CACNA1D: variants seen among roughly 807,000 people sequenced by gnomAD.
CACNA1D encodes the protein voltage-dependent L-type calcium channel subunit alpha-1D.
A neutral mutation model predicts 257.1 loss-of-function variants in CACNA1D; 55 were observed. The observed-to-expected ratio is 0.21, with a 90% confidence interval of 0.17 to 0.27. The LOEUF is 0.27. CACNA1D is among the 10% of genes least tolerant of loss of function. CACNA1D has a pLI of 1.00. For missense variants in CACNA1D, 1,876 were observed against 2,784.0 expected, an observed-to-expected ratio of 0.67 and a Z score of 7.34; for synonymous variants, 980 against 1,014.9, an observed-to-expected ratio of 0.97 and a Z score of 0.65.
chr3:53,535,239 C>T (rs972649841), intron 3 of CACNA1D, among the ~76,000 whole-genome samples: 9 of 152,132 alleles, frequency 5.9e-5, no homozygotes, highest in Admixed American at 2.6e-4. Flanking sequence ...CTGAGTGCAT[C>T]GGTGACGTAA....
At chr3:53,631,504 G>A (rs1255809311) in intron 3 of CACNA1D, among the ~76,000 whole-genome samples, 1 of 152,174 alleles carries the variant, frequency 6.6e-6, no homozygotes, top group East Asian at 1.9e-4. Context: ...ACCCCTCAAA[G>A]TCATCCATGA....
intron 8 of CACNA1D, among the ~76,000 whole-genome samples, chr3:53,692,139 C>T (rs979007919): frequency 7.3e-5 from 11 of 150,948 alleles, no homozygotes; most frequent in African/African-American, 2.4e-4. Context: ...TATCGAGCAA[C>T]TACTAATGGC....
intron 3 of CACNA1D, among the ~76,000 whole-genome samples, chr3:53,505,917 T>C (rs1473035746): frequency 6.6e-6 from 1 of 152,198 alleles, no homozygotes; most frequent in Non-Finnish European, 1.5e-5. Flanking sequence ...CTACTTTGAT[T>C]GCTTTCTTTC....
At chr3:53,598,121 T>C (rs1233535638) in intron 3 of CACNA1D, among the ~76,000 whole-genome samples, 1 of 152,172 alleles carries the variant, frequency 6.6e-6, no homozygotes, top group Non-Finnish European at 1.5e-5. Flanking sequence ...TCAGTCAGAT[T>C]CTGATTTGAA....
chr3:53,776,069 C>G, intron 35 of CACNA1D, 24 bp downstream of exon 35: 1 of 1,606,682 alleles, frequency 6.2e-7, no homozygotes, highest in Non-Finnish European at 8.5e-7. Flanking sequence ...ACAGCTCCCC[C>G]TCTCAATTTA....
At chr3:53,733,534 T>C (rs2095020970) in intron 19 of CACNA1D, among the ~76,000 whole-genome samples, 1 of 152,216 alleles carries the variant, frequency 6.6e-6, no homozygotes, top group Non-Finnish European at 1.5e-5. Context: ...TCTATGATAG[T>C]CTACTTAAAA....
At chr3:53,787,161 G>A (rs2095458330) in intron 40 of CACNA1D, among the ~76,000 whole-genome samples, 1 of 151,952 alleles carries the variant, frequency 6.6e-6, no homozygotes, top group South Asian at 2.1e-4. Context: ...ATAGAGCCCT[G>A]CACCTGCCAC....
Position 53,774,574 on chromosome 3 carries a change from C to T in CACNA1D, c.4111-13C>T, listed in dbSNP as rs777627476. On this transcript the variant is annotated splice_polypyrimidine_tract_variant and intron_variant, in intron 33 of 47. Transcript: ENST00000350061. This position sits in a 1 kb window ranked among gnomAD's most constrained non-coding sequence, Gnocchi z 4.3. ...AAATCTATTCTCTTTTTCCTGACAA[C>T]TTCTCCACCTAGATGTTTGGGAAAG... 6.6e-7 allele frequency: 1 copy of T among 1,504,956 alleles called. No individual in the cohort carries two copies. The highest frequency in any genetic ancestry group is 9.3e-7 in the Non-Finnish European group (1 of 1,080,314). 93.2% of individuals were successfully genotyped at this position (1,504,956 alleles called of 1,614,324 possible).
chr3:53,527,433 T>A (rs561779645), intron 3 of CACNA1D, among the ~76,000 whole-genome samples: 353 of 152,386 alleles, frequency 2.3e-3, no homozygotes, highest in Non-Finnish European at 3.8e-3. Context: ...GATTGTATTC[T>A]CAAACCTTTC....
chr3:53,571,786 G>A (rs944394933), intron 3 of CACNA1D, among the ~76,000 whole-genome samples: 1 of 152,116 alleles, frequency 6.6e-6, no homozygotes, highest in Non-Finnish European at 1.5e-5. Context: ...TTATTGCAAA[G>A]GCCTAGTTAC....
chr3:53,556,773 C>T (rs2092652746), intron 3 of CACNA1D, among the ~76,000 whole-genome samples: 10 of 151,074 alleles, frequency 6.6e-5, no homozygotes, highest in African/African-American at 1.9e-4. Flanking sequence ...TGGAGTGCAG[C>T]GATGTGATCT....
intron 8 of CACNA1D, among the ~76,000 whole-genome samples, chr3:53,675,087 G>A (rs1380278427): frequency 6.6e-6 from 1 of 152,200 alleles, no homozygotes; most frequent in Non-Finnish European, 1.5e-5. Flanking sequence ...TGGATTGAAT[G>A]TAGTCAGTTC....
At chr3:53,642,756 C>A (rs568832915) in intron 3 of CACNA1D, among the ~76,000 whole-genome samples, 81 of 152,360 alleles carry the variant, frequency 5.3e-4, no homozygotes, top group African/African-American at 1.9e-3. Flanking sequence ...TAGACAGCAT[C>A]TTGGGCCAGG....
At chr3:53,554,603 C>T (rs886790945) in intron 3 of CACNA1D, among the ~76,000 whole-genome samples, 6 of 152,150 alleles carry the variant, frequency 3.9e-5, no homozygotes, top group Non-Finnish European at 5.9e-5. Flanking sequence ...AAATACATTC[C>T]GCTTCTCTCT....
intron 34 of CACNA1D, among the ~76,000 whole-genome samples, chr3:53,775,492 G>A (rs775856839): frequency 1.3e-5 from 2 of 152,140 alleles, no homozygotes; most frequent in Admixed American, 1.3e-4. Flanking sequence ...CCAGGAGGTC[G>A]AGGCTGCAGT....
At position 53,786,838 on chromosome 3, in the gene CACNA1D, G is replaced by C; in HGVS notation, c.4809G>C (p.Val1603=). Residue 1603 remains valine (V), a synonymous_variant, in exon 40 of 48, where the codon GTG becomes GTC. Transcript: ENST00000350061. ...VPPAGDDEVT[V]GKFYATFLIQ... Reference sequence around the variant, plus strand: ...TCCGTTTAGATGATGAGGTAACCGTGGGGAAGTTCTATGCCACTTTCCTGA... The same window carrying C: ...TCCGTTTAGATGATGAGGTAACCGTCGGGAAGTTCTATGCCACTTTCCTGA... 1 of 1,613,376 alleles carries C rather than the reference G, an allele frequency of 6.2e-7. No homozygotes were observed. The highest frequency in any genetic ancestry group is 8.5e-7 in the Non-Finnish European group (1 of 1,179,590).
intron 40 of CACNA1D, among the ~76,000 whole-genome samples, chr3:53,787,650 C>T (rs547924495): frequency 2.6e-5 from 4 of 152,030 alleles, no homozygotes; most frequent in South Asian, 2.1e-4. Flanking sequence ...TCCTTGCATG[C>T]GAGGAATGTA....
intron 3 of CACNA1D, among the ~76,000 whole-genome samples, chr3:53,555,070 A>G (rs971087079): frequency 3.9e-5 from 6 of 152,238 alleles, no homozygotes; most frequent in Admixed American, 3.9e-4. Flanking sequence ...GAAAACTTGT[A>G]ATTATATTAG....
At chr3:53,746,018 T>G in intron 25 of CACNA1D, 143 bp downstream of exon 25, 1 of 714,516 alleles carries the variant, frequency 1.4e-6, no homozygotes, top group Non-Finnish European at 2.5e-6. Context: ...AGATGGTGTT[T>G]GTTTTTCATT....
Sources: allele counts gnomAD v4.1 joint callset (sites outside exome capture counted in the v4.1 genomes callset), GRCh38; gene constraint gnomAD v4.1.1; non-coding constraint Gnocchi (gnomAD v3.1); transcripts MANE v1.5; gene names NCBI Gene and HGNC (gene_info 2026-07-23, HGNC 2026-07-21).